CACNA2D3: variants seen among roughly 807,000 people sequenced by gnomAD.
CACNA2D3 encodes voltage-dependent calcium channel subunit alpha-2/delta-3.
CACNA2D3 carries 60 observed loss-of-function variants against 160.6 expected under a neutral mutation model. The ratio of observed to expected loss-of-function variants is 0.37; its 90% CI spans 0.30 to 0.46. The LOEUF is 0.46. Among genes scored for constraint, CACNA2D3 ranks in the 20% least tolerant of loss-of-function variants. The pLI is 1.00. For synonymous variants in CACNA2D3, 558 were observed against 492.9 expected (o/e 1.13, Z -1.75); for missense variants, 1,205 against 1,365.0 (o/e 0.88, Z 1.85).
At position 54,515,811 on chromosome 3, in the gene CACNA2D3, TCCAAGGG is replaced by T. The variant is rs979325303; in HGVS notation, c.544+12158_544+12164del. 1.5e-4 allele frequency among the ~76,000 whole-genome samples: 23 copies of T among 152,314 alleles called. No individual in the cohort carries two copies. In the East Asian group the frequency reaches 2.7e-3, roughly 18 times the overall value. On this transcript the variant is annotated intron_variant, in intron 5 of 37. Transcript: ENST00000474759. The stretch of plus-strand genomic sequence containing the variant: ...CTTGGGAAAAAAATATGTCAGTGCT[TCCAAGGG>T]TCACACTGGAAACTGGGATTAGAAG...
chr3:54,613,078 A>T (rs1575381793), intron 9 of CACNA2D3, among the ~76,000 whole-genome samples: 1 of 152,212 alleles, frequency 6.6e-6, no homozygotes, highest in East Asian at 1.9e-4. Flanking sequence ...CACTAAGTGG[A>T]TCAGAGTCAC....
intron 2 of CACNA2D3, among the ~76,000 whole-genome samples, chr3:54,129,417 CTGTT>C (rs952049200): frequency 6.6e-6 from 1 of 152,210 alleles, no homozygotes; most frequent in Non-Finnish European, 1.5e-5. Context: ...CATTCCAAGG[CTGTT>C]TAAGGCACTA....
At chr3:54,799,787 G>A (rs930995126) in intron 13 of CACNA2D3, among the ~76,000 whole-genome samples, 2 of 152,140 alleles carry the variant, frequency 1.3e-5, no homozygotes, top group Admixed American at 6.5e-5. Flanking sequence ...CAAACAGGCT[G>A]TCTGCCTCAC....
At chr3:55,004,987 C>T in intron 32 of CACNA2D3, 149 bp downstream of exon 32, 1 of 576,778 alleles carries the variant, frequency 1.7e-6, no homozygotes, top group Non-Finnish European at 3.0e-6. Flanking sequence ...AAAAAAAAAA[C>T]ACTTCAGGCC....
chr3:55,020,963 G>A (rs1023642916), intron 35 of CACNA2D3, among the ~76,000 whole-genome samples: 3 of 151,626 alleles, frequency 2.0e-5, no homozygotes, highest in Non-Finnish European at 4.4e-5. Context: ...TTTCTTCCTT[G>A]CACTGTCATT....
At position 54,837,169 on chromosome 3, in the gene CACNA2D3, A is replaced by G; in HGVS notation, c.1409A>G (p.Asp470Gly). ...TLPQAQKLTD[D>G]QGPVLMTTVA... is the part of the protein sequence containing the mutation. ...TTCTCTTCCATCCAGCTGACTGATG[A>G]TCAGGGCCCCGTCCTGATGACCACT... is the stretch of plus-strand genomic sequence containing the variant. Residue 470 changes from aspartate (D) to glycine (G), a missense_variant, in exon 15 of 38, where the codon GAT becomes GGT. Asp to Gly is a moderately conservative substitution (Grantham distance 94, BLOSUM62 -1). Transcript: ENST00000474759. The G allele has an allele frequency of 6.2e-7, 1 of 1,613,906 alleles. No individual in the cohort carries two copies. Among genetic ancestry groups the G allele is most frequent in the Non-Finnish European group, 8.5e-7 (1 of 1,179,816 alleles).
At chr3:54,275,056 G>A (rs762428187) in intron 2 of CACNA2D3, among the ~76,000 whole-genome samples, 7 of 152,336 alleles carry the variant, frequency 4.6e-5, no homozygotes, top group South Asian at 2.1e-4. Flanking sequence ...GTTGCCTGCC[G>A]CAGACAATCC....
intron 13 of CACNA2D3, among the ~76,000 whole-genome samples, chr3:54,764,989 C>G (rs1433972775): frequency 6.6e-6 from 1 of 152,070 alleles, no homozygotes; most frequent in Non-Finnish European, 1.5e-5. Flanking sequence ...CTTATGTAAT[C>G]TCAGGGTGAT....
intron 4 of CACNA2D3, among the ~76,000 whole-genome samples, chr3:54,473,998 C>G (rs1369552819): frequency 6.6e-6 from 1 of 152,176 alleles, no homozygotes; most frequent in Non-Finnish European, 1.5e-5. Flanking sequence ...GGTTATTCCT[C>G]AGGGATCTAG....
At chr3:54,321,670 C>T (rs147927192) in intron 3 of CACNA2D3, among the ~76,000 whole-genome samples, 75 of 152,266 alleles carry the variant, frequency 4.9e-4, no homozygotes, top group Admixed American at 8.5e-4. Flanking sequence ...TCTGAGGTCA[C>T]ATGAGGAGTG....
chr3:55,034,870 G>C (rs1467618619), intron 35 of CACNA2D3, among the ~76,000 whole-genome samples: 3 of 152,066 alleles, frequency 2.0e-5, no homozygotes, highest in Admixed American at 2.0e-4. Flanking sequence ...TATTTATGTA[G>C]TGACTCTTTC....
At position 54,342,237 on chromosome 3, in the gene CACNA2D3, G is replaced by A. The variant is rs114452582; in HGVS notation, c.321+21679G>A. 6.7e-3 allele frequency among the ~76,000 whole-genome samples: 1,016 copies of A among 152,210 alleles called. 8 individuals carry two copies. The highest frequency in any genetic ancestry group is 0.012 in the Non-Finnish European group (803 of 68,014). ...GAATACCATAGGCCACTTATCCACT[G>A]GACATTTATTGGACCATGATTGCAT... On this transcript the variant is annotated intron_variant, in intron 3 of 37. Transcript: ENST00000474759.
chr3:54,669,605 G>C (rs1043218697), intron 11 of CACNA2D3, among the ~76,000 whole-genome samples: 1 of 152,150 alleles, frequency 6.6e-6, no homozygotes, highest in Admixed American at 6.6e-5. Context: ...GAACCTAAAG[G>C]ATGATGTTTA....
At chr3:54,404,429 A>T (rs894309276) in intron 4 of CACNA2D3, among the ~76,000 whole-genome samples, 17 of 152,190 alleles carry the variant, frequency 1.1e-4, no homozygotes, top group African/African-American at 4.1e-4. Flanking sequence ...ACAAAGTTCA[A>T]CATCCTTTCT....
At chr3:54,256,371 T>C (rs148845115) in intron 2 of CACNA2D3, among the ~76,000 whole-genome samples, 3 of 152,270 alleles carry the variant, frequency 2.0e-5, no homozygotes, top group African/African-American at 4.8e-5. Context: ...CAAGATCTGA[T>C]TTTCAAAATC....
chr3:54,461,171 G>C (rs1700496953), intron 4 of CACNA2D3, among the ~76,000 whole-genome samples: 2 of 152,006 alleles, frequency 1.3e-5, no homozygotes, highest in Non-Finnish European at 2.9e-5. Flanking sequence ...TGCTGGATTT[G>C]GTTTGGCAGT....
In CACNA2D3 at chr3:54,839,236, C is replaced by T. The variant is rs1021942060; in HGVS notation, c.1551+588C>T. On this transcript the variant is annotated intron_variant, in intron 16 of 37. Coordinates refer to ENST00000474759, the MANE Select transcript of CACNA2D3 (RefSeq NM_018398.3). ...TCGCACCACTGCACTGCAGCCTGGG[C>T]GACAGAGCGAGACTCCATATCAAAA... is the stretch of plus-strand genomic sequence containing the variant. 6.6e-5 allele frequency among the ~76,000 whole-genome samples: 10 copies of T among 152,060 alleles called. No individual in the cohort carries two copies. In the South Asian group the frequency reaches 1.3e-3, roughly 19 times the overall value.
At chr3:54,802,179 A>T (rs1314414029) in intron 13 of CACNA2D3, among the ~76,000 whole-genome samples, 7 of 152,104 alleles carry the variant, frequency 4.6e-5, no homozygotes, top group African/African-American at 1.7e-4. Context: ...TGCAACTGGG[A>T]GAGGTCACTC....
intron 12 of CACNA2D3, among the ~76,000 whole-genome samples, chr3:54,755,330 G>C (rs750883342): frequency 6.6e-6 from 1 of 152,104 alleles, no homozygotes; most frequent in Non-Finnish European, 1.5e-5. Flanking sequence ...GTGGATGGGA[G>C]TGTGGGAAAG....
Sources: allele counts gnomAD v4.1 joint callset (sites outside exome capture counted in the v4.1 genomes callset), GRCh38; gene constraint gnomAD v4.1.1; transcripts MANE v1.5; gene names NCBI Gene and HGNC (gene_info 2026-07-23, HGNC 2026-07-21).